The following BMP2 variants were observed in gnomAD, a reference collection of about 807,000 sequenced individuals.
BMP2 encodes bone morphogenetic protein 2A.
A neutral mutation model predicts 28.8 loss-of-function variants in BMP2; 2 were observed. That is an observed-to-expected ratio of 0.07 (90% CI 0.03 to 0.22). BMP2 has a LOEUF of 0.22. Ranked by LOEUF, BMP2 falls within the 10% of genes least tolerant of loss-of-function variation. The pLI, the probability that BMP2 is intolerant of heterozygous loss-of-function variation, is 1.00. For synonymous variants in BMP2, 218 were observed against 204.3 expected (o/e 1.07, Z -0.57); for missense variants, 437 against 517.7 (o/e 0.84, Z 1.51).
Position 6,778,988 on chromosome 20 carries a change from A to G in BMP2, c.1090A>G (p.Thr364Ala). Residue 364 changes from threonine to alanine, a missense_variant, in exon 3 of 3, where the codon ACA becomes GCA. Thr to Ala is a moderately conservative substitution (Grantham distance 58, BLOSUM62 0). This residue lies in a region of BMP2 where 74 missense variants were observed against 124.9 expected (regional missense o/e 0.59). Transcript: ENST00000378827. The surrounding 1 kb of genome is among the most constrained non-coding windows in gnomAD (Gnocchi z 5.0). ...SKIPKACCVP[T>A]ELSAISMLYL... ...GATTCCTAAGGCATGCTGTGTCCCG[A>G]CAGAACTCAGTGCTATCTCGATGCT... 8 of 1,613,942 alleles carry G rather than the reference A, an allele frequency of 5.0e-6. No homozygotes were observed. Among genetic ancestry groups the G allele is most frequent in the Non-Finnish European group, 6.8e-6 (8 of 1,179,950 alleles).
intron 1 of BMP2, 120 bp from the exon 2 acceptor site, chr20:6,770,000 C>A: frequency 9.4e-7 from 1 of 1,064,994 alleles, no homozygotes; most frequent in Non-Finnish European, 1.3e-6. Flanking sequence ...CGTGAGTGTG[C>A]CAAGCCAGGA....
In BMP2 at chr20:6,768,593, G is replaced by A; in HGVS notation, c.-290G>A. The A allele has an allele frequency of 2.5e-6, 1 of 394,884 alleles. No homozygotes were observed. Among genetic ancestry groups the A allele is most frequent in the Non-Finnish European group, 4.5e-6 (1 of 224,048 alleles). 24.5% of individuals were successfully genotyped at this position (394,884 alleles called of 1,614,324 possible). On this transcript the variant is annotated 5_prime_UTR_variant, in exon 1 of 3. Coordinates refer to ENST00000378827, the MANE Select transcript of BMP2 (RefSeq NM_001200.4). Reference sequence around the variant, plus strand: ...CTTGAACTTGCAGGGAGAATAACTTGCGCACCCCACTTTGCGCCGGTGCCT... The same window carrying A: ...CTTGAACTTGCAGGGAGAATAACTTACGCACCCCACTTTGCGCCGGTGCCT...
Position 6,768,320 on chromosome 20 carries a change from C to T in BMP2, c.-563C>T, listed in dbSNP as rs1248036941. On this transcript the variant is annotated 5_prime_UTR_variant, in exon 1 of 3. Coordinates refer to ENST00000378827, the MANE Select transcript of BMP2 (RefSeq NM_001200.4). The stretch of plus-strand genomic sequence containing the variant: ...GCCTGGCACCGAGATCGCCGCCGTG[C>T]CCTTCCCTGGACCCGGCGTCGCCCA... The T allele has an allele frequency of 1.3e-5, 5 of 397,956 alleles. No homozygotes were observed. The highest frequency in any genetic ancestry group is 1.8e-5 in the Non-Finnish European group (4 of 225,780). The allele number at this position is 397,956 out of a possible 1,614,324, so 24.7% of individuals were successfully genotyped here.
In BMP2 at chr20:6,768,750, A is replaced by C; in HGVS notation, c.-133A>C. The C allele has an allele frequency of 2.5e-6, 1 of 398,344 alleles. No individual in the cohort carries two copies. Among genetic ancestry groups the C allele is most frequent in the Non-Finnish European group, 4.4e-6 (1 of 225,946 alleles). The allele number at this position is 398,344 out of a possible 1,614,324, so 24.7% of individuals were successfully genotyped here. On this transcript the variant is annotated 5_prime_UTR_variant, in exon 1 of 3. Transcript: ENST00000378827. ...GCGGCCGGCACCCGGGAGAAGGAGG[A>C]GGCAAAGAAAAGGAACGGACATTCG... is the stretch of plus-strand genomic sequence containing the variant.
At chr20:6,777,221 G>A (rs1263297988) in intron 2 of BMP2, among the ~76,000 whole-genome samples, 4 of 152,090 alleles carry the variant, frequency 2.6e-5, no homozygotes, top group East Asian at 3.8e-4. Context: ...ATCAGACAAA[G>A]CTTTTGTGCA....
At position 6,778,120 on chromosome 20, in the gene BMP2, T is replaced by C; in HGVS notation, c.347-125T>C. 7.2e-7 allele frequency: 1 copy of C among 1,382,512 alleles called. No individual in the cohort carries two copies. Among genetic ancestry groups the C allele is most frequent in the Non-Finnish European group, 9.7e-7 (1 of 1,029,728 alleles). The allele number at this position is 1,382,512 out of a possible 1,614,324, so 85.6% of individuals were successfully genotyped here. A position where few individuals can be genotyped will look rare whatever the true frequency, so the allele number is the denominator to read the frequency against. ...TTTTTATTTTCTGGTTACCTACTTT[T>C]ACATGGGTTACATCAAATCCCACGA... On this transcript the variant is annotated intron_variant, in intron 2 of 2. Transcript: ENST00000378827. The surrounding 1 kb of genome is among the most constrained non-coding windows in gnomAD (Gnocchi z 5.0).
chr20:6,777,320 G>T (rs60098504), intron 2 of BMP2, among the ~76,000 whole-genome samples: 9,814 of 152,144 alleles, frequency 0.065, 1,014 homozygotes, highest in African/African-American at 0.22. Context: ...TTTTGTCATG[G>T]AGATCATAAT....
Position 6,779,115 on chromosome 20 carries a change from T to A in BMP2, c.*26T>A, listed in dbSNP as rs868200259. The A allele has an allele frequency of 2.0e-5, 19 of 944,390 alleles. No individual in the cohort carries two copies. The Middle Eastern group carries it at 3.2e-3, about 160-fold the overall frequency. 58.5% of individuals were successfully genotyped at this position (944,390 alleles called of 1,614,324 possible). The stretch of plus-strand genomic sequence containing the variant: ...TACAGCAAAATTAAATACATAAATA[T>A]ATATATATATATATATTTTAGAAAA... On this transcript the variant is annotated 3_prime_UTR_variant, in exon 3 of 3. Transcript: ENST00000378827.
chr20:6,771,270 T>G (rs1228934993), intron 2 of BMP2, among the ~76,000 whole-genome samples: 1 of 152,218 alleles, frequency 6.6e-6, no homozygotes, highest in Non-Finnish European at 1.5e-5. Flanking sequence ...GGGCATTTAG[T>G]GGACTGGAAA....
chr20:6,771,670 T>G (rs1255441257), intron 2 of BMP2, among the ~76,000 whole-genome samples: 1 of 152,214 alleles, frequency 6.6e-6, no homozygotes, highest in African/African-American at 2.4e-5. Context: ...GCAAGCCACA[T>G]AGCAGAAGAT....
chr20:6,770,385 T>C lies in BMP2; in HGVS notation c.259T>C (p.Ser87Pro). Residue 87 changes from serine to proline, a missense_variant, in exon 2 of 3, where the codon TCA becomes CCA. Ser to Pro is a moderately conservative substitution (Grantham distance 74, BLOSUM62 -1). Coordinates refer to ENST00000378827, the MANE Select transcript of BMP2 (RefSeq NM_001200.4). ...PYMLDLYRRH[S>P]GQPGSPAPDH... ...CATGCTAGACCTGTATCGCAGGCACTCAGGTCAGCCGGGCTCACCCGCCCC... is the reference window on the plus strand; with the variant it reads ...CATGCTAGACCTGTATCGCAGGCACCCAGGTCAGCCGGGCTCACCCGCCCC... The C allele has an allele frequency of 6.2e-7, 1 of 1,613,102 alleles. No individual in the cohort carries two copies. Among genetic ancestry groups the C allele is most frequent in the Non-Finnish European group, 8.5e-7 (1 of 1,179,902 alleles).
In BMP2 at chr20:6,767,915, A is replaced by G. The variant is rs1986283135; in HGVS notation, c.-968A>G. Reference sequence around the variant, plus strand: ...CCGCAGACCCCGCGCGGGCTGGAGCACCCGGCAGAGCGCGCCACAGCGCCG... The same window carrying G: ...CCGCAGACCCCGCGCGGGCTGGAGCGCCCGGCAGAGCGCGCCACAGCGCCG... On this transcript the variant is annotated 5_prime_UTR_variant, in exon 1 of 3. Coordinates refer to ENST00000378827, the MANE Select transcript of BMP2 (RefSeq NM_001200.4). The G allele has an allele frequency of 5.2e-6, 2 of 381,698 alleles. No individual in the cohort carries two copies. The highest frequency in any genetic ancestry group is 7.5e-5 in the East Asian group (2 of 26,580). 23.6% of individuals were successfully genotyped at this position (381,698 alleles called of 1,614,324 possible). A position where few individuals can be genotyped will look rare whatever the true frequency, so the allele number is the denominator to read the frequency against.
intron 2 of BMP2, among the ~76,000 whole-genome samples, chr20:6,776,341 C>A (rs1986500746): frequency 6.6e-6 from 1 of 152,174 alleles, no homozygotes; most frequent in Non-Finnish European, 1.5e-5. Flanking sequence ...TCCCCATATC[C>A]ACGTAGAAGA....
Position 6,770,244 on chromosome 20 carries a change from C to T in BMP2, c.118C>T (p.Arg40Cys), listed in dbSNP as rs913432818. 1 of 1,607,894 alleles carries T rather than the reference C, an allele frequency of 6.2e-7. No homozygotes were observed. Among genetic ancestry groups the T allele is most frequent in the Non-Finnish European group, 8.5e-7 (1 of 1,177,524 alleles). The change falls in exon 2 of 3, where the codon CGC (arginine) becomes TGC (cysteine). Residue 40 changes from arginine to cysteine, a missense_variant. Transcript: ENST00000378827. ...RRKFAAASSG[R>C]PSSQPSDEVL... is the part of the protein sequence containing the mutation. ...GAAGTTCGCGGCGGCGTCGTCGGGCCGCCCCTCATCCCAGCCCTCTGACGA... is the reference window on the plus strand; with the variant it reads ...GAAGTTCGCGGCGGCGTCGTCGGGCTGCCCCTCATCCCAGCCCTCTGACGA...
At position 6,778,390 on chromosome 20, in the gene BMP2, T is replaced by C. The variant is rs747050207; in HGVS notation, c.492T>C (p.Asn164=). 9.9e-6 allele frequency: 16 copies of C among 1,614,096 alleles called. No individual in the cohort carries two copies. The highest frequency in any genetic ancestry group is 1.6e-4 in the Middle Eastern group (1 of 6,062). The change falls in exon 3 of 3, where the codon AAT becomes AAC. Residue 164 remains asparagine, a synonymous_variant. Coordinates refer to ENST00000378827, the MANE Select transcript of BMP2 (RefSeq NM_001200.4). This position sits in a 1 kb window ranked among gnomAD's most constrained non-coding sequence, Gnocchi z 5.0. The part of the protein sequence containing the change: ...REQMQDALGN[N]SSFHHRINIY... ...AGATGCAAGATGCTTTAGGAAACAATAGCAGTTTCCATCACCGAATTAATA... is the reference window on the plus strand; with the variant it reads ...AGATGCAAGATGCTTTAGGAAACAACAGCAGTTTCCATCACCGAATTAATA...
At position 6,768,106 on chromosome 20, in the gene BMP2, G is replaced by A; in HGVS notation, c.-777G>A. On this transcript the variant is annotated 5_prime_UTR_variant, in exon 1 of 3. Coordinates refer to ENST00000378827, the MANE Select transcript of BMP2 (RefSeq NM_001200.4). ...ATCGGACCCCAGGCTAGCCACAAAG[G>A]GCACTTGGCCCCAGGGCTAGGAGAG... 1 of 398,186 alleles carries A rather than the reference G, an allele frequency of 2.5e-6. No individual in the cohort carries two copies. Among genetic ancestry groups the A allele is most frequent in the Non-Finnish European group, 4.4e-6 (1 of 225,794 alleles). 24.7% of individuals were successfully genotyped at this position (398,186 alleles called of 1,614,324 possible).
chr20:6,770,468 T>G lies in BMP2; in HGVS notation c.342T>G (p.His114Gln). The G allele has an allele frequency of 6.3e-7, 1 of 1,589,014 alleles. No individual in the cohort carries two copies. Among genetic ancestry groups the G allele is most frequent in the Non-Finnish European group, 8.6e-7 (1 of 1,163,564 alleles). Residue 114 changes from histidine to glutamine, a missense_variant, in exon 2 of 3, where the codon CAT (histidine) becomes CAG (glutamine). Physicochemically the swap from His to Gln is conservative, Grantham distance 24 (BLOSUM62 0). Around this residue, in one of 2 missense-constraint regions of BMP2, gnomAD observed 363 missense variants for 392.8 expected, o/e 0.92. Transcript: ENST00000378827. Reference protein sequence around the residue: ...SRANTVRSFHHEESLEELPET... With the variant: ...SRANTVRSFHQEESLEELPET... Reference sequence around the variant, plus strand: ...CCAACACTGTGCGCAGCTTCCACCATGAAGGTGAGGCATGGAGCAGGGCGT... The same window carrying G: ...CCAACACTGTGCGCAGCTTCCACCAGGAAGGTGAGGCATGGAGCAGGGCGT...
rs188353535 is a variant in BMP2, at chr20:6,770,760, G to T, written c.346+288G>T. On this transcript the variant is annotated intron_variant, in intron 2 of 2. Transcript: ENST00000378827. ...AAATCAAGTGATGGGGAAGATGAGG[G>T]CAAAAGGCATGCCTCTAGTCAGCTA... is the stretch of plus-strand genomic sequence containing the variant. 5.6e-4 allele frequency among the ~76,000 whole-genome samples: 86 copies of T among 152,322 alleles called. No homozygotes were observed. Among genetic ancestry groups the T allele is most frequent in the African/African-American group, 2.0e-3 (84 of 41,570 alleles).
rs763755859 is a variant in BMP2 at position 6,778,444 on chromosome 20, C to T, written c.546C>T (p.Ala182=). ...NIYEIIKPAT[A]NSKFPVTRLL... Reference sequence around the variant, plus strand: ...ATGAAATCATAAAACCTGCAACAGCCAACTCGAAATTCCCCGTGACCAGAC... The same window carrying T: ...ATGAAATCATAAAACCTGCAACAGCTAACTCGAAATTCCCCGTGACCAGAC... The change falls in exon 3 of 3, where the codon GCC becomes GCT. Residue 182 remains alanine, a synonymous_variant. Transcript: ENST00000378827. This position sits in a 1 kb window ranked among gnomAD's most constrained non-coding sequence, Gnocchi z 5.0. The T allele has an allele frequency of 2.2e-5, 36 of 1,614,020 alleles. No individual in the cohort carries two copies. The highest frequency in any genetic ancestry group is 2.9e-5 in the Non-Finnish European group (34 of 1,180,034).
Sources: gnomAD v4.1 joint callset for allele counts (sites outside exome capture counted in the v4.1 genomes callset) on GRCh38, gnomAD v4.1.1 for gene constraint, gnomAD v4.1.1 regional missense constraint, Gnocchi (gnomAD v3.1) non-coding constraint, MANE v1.5 for transcripts, NCBI Gene and HGNC (gene_info 2026-07-23, HGNC 2026-07-21) for gene names.